Variants in FRMD4A observed in about 807,000 individuals in gnomAD.
FRMD4A encodes the protein FERM domain-containing protein 4A.
A neutral mutation model predicts 129.1 loss-of-function variants in FRMD4A; 29 were observed. The ratio of observed to expected loss-of-function variants is 0.22; its 90% CI spans 0.17 to 0.31. FRMD4A has a LOEUF of 0.31. FRMD4A is among the 10% of genes least tolerant of loss of function. The probability of loss-of-function intolerance (pLI) is 1.00; values close to 1 mark genes in which losing one functional copy is unlikely to be tolerated. For missense variants in FRMD4A, 1,272 were observed against 1,375.8 expected (o/e 0.92, Z 1.19); for synonymous variants, 634 against 571.6 (o/e 1.11, Z -1.56).
At chr10:13,650,283 A>G (rs4748049) in intron 24 of FRMD4A, among the ~76,000 whole-genome samples, 112,204 of 152,042 alleles carry the variant, frequency 0.74, 41,923 homozygotes, top group South Asian at 0.8. Context: ...GAACAGTCCC[A>G]CAGTTGGTCA....
intron 2 of FRMD4A, among the ~76,000 whole-genome samples, chr10:13,922,109 A>G (rs1439778387): frequency 6.6e-6 from 1 of 152,192 alleles, no homozygotes. Flanking sequence ...GCAAGCCAGG[A>G]AGAGAGCCCT....
At chr10:13,647,847 G>A (rs1179501304) in intron 24 of FRMD4A, 9 of 151,644 alleles carry the variant, frequency 5.9e-5, no homozygotes, top group Non-Finnish European at 1.2e-4. Context: ...GTCATTACTA[G>A]GGATCATGAT....
intron 3 of FRMD4A, among the ~76,000 whole-genome samples, chr10:13,858,188 C>A (rs1385939097): frequency 1.3e-5 from 2 of 152,200 alleles, no homozygotes; most frequent in African/African-American, 2.4e-5. Context: ...AATCCCAGCA[C>A]TTTGGGAGGC....
chr10:14,043,492 C>G (rs1192520742), intron 2 of FRMD4A, among the ~76,000 whole-genome samples: 2 of 152,196 alleles, frequency 1.3e-5, no homozygotes, highest in Non-Finnish European at 2.9e-5. Flanking sequence ...CTATTCCTCT[C>G]TGATGTGCAG....
intron 3 of FRMD4A, among the ~76,000 whole-genome samples, chr10:13,822,811 C>T (rs2093649145): frequency 6.6e-6 from 1 of 152,022 alleles, no homozygotes; most frequent in African/African-American, 2.4e-5. Flanking sequence ...ATATCTGTGC[C>T]CTCTTCTTCC....
chr10:14,239,525 G>T (rs1192382028), intron 2 of FRMD4A, among the ~76,000 whole-genome samples: 1 of 152,170 alleles, frequency 6.6e-6, no homozygotes, highest in Non-Finnish European at 1.5e-5. Context: ...TACTAGGGAG[G>T]CTGAGGCAGG....
intron 2 of FRMD4A, among the ~76,000 whole-genome samples, chr10:14,046,896 G>A (rs1318322760): frequency 6.6e-6 from 1 of 152,118 alleles, no homozygotes; most frequent in African/African-American, 2.4e-5. Flanking sequence ...AGGCATGGGA[G>A]TCGCTGGTCC....
At chr10:14,329,994 C>A in intron 2 of FRMD4A, 64 bp downstream of exon 2, 1 of 1,455,226 alleles carries the variant, frequency 6.9e-7, no homozygotes, top group African/African-American at 1.4e-5. Flanking sequence ...GCAGCAGCAG[C>A]CCACGGTGCA....
intron 2 of FRMD4A, among the ~76,000 whole-genome samples, chr10:14,053,910 C>T (rs532422251): frequency 2.0e-4 from 30 of 152,214 alleles, no homozygotes; most frequent in South Asian, 8.3e-4. Flanking sequence ...GTCCCAGCTA[C>T]GCAGGAGGAT....
In FRMD4A at chr10:13,690,488, A is replaced by T. The variant is rs139511996; in HGVS notation, c.1117+3410T>A. Among the ~76,000 whole-genome samples, 508 of 152,336 alleles carry T rather than the reference A, an allele frequency of 3.3e-3. 3 individuals are homozygous for T. Among genetic ancestry groups the T allele is most frequent in the African/African-American group, 0.011 (462 of 41,586 alleles). ...CCCTGATGGAATGTTTCCTGTTTGC[A>T]GTGCGTCCCCCCACTGTCTTGGCCC... On this transcript the variant is annotated intron_variant, in intron 15 of 24. Coordinates refer to ENST00000357447, the MANE Select transcript of FRMD4A (RefSeq NM_018027.5).
chr10:14,289,670 A>G (rs1437251518), intron 2 of FRMD4A, among the ~76,000 whole-genome samples: 2 of 152,142 alleles, frequency 1.3e-5, no homozygotes, highest in East Asian at 3.8e-4. Context: ...ACCATCATCA[A>G]TGATGAAAAC....
At chr10:13,673,450 T>C (rs1206986010) in intron 16 of FRMD4A, among the ~76,000 whole-genome samples, 1 of 152,206 alleles carries the variant, frequency 6.6e-6, no homozygotes, top group Non-Finnish European at 1.5e-5. Context: ...TGGGAACCTC[T>C]TTTGACTTCC....
chr10:14,157,040 T>A lies in FRMD4A; in HGVS notation c.45+173018A>T, dbSNP rs371712943. ...AAAAGCTCCTTGGAGCAGAGGAACA[T>A]GTTTTCAACTCCCCACCCCACAGAG... On this transcript the variant is annotated intron_variant, in intron 2 of 24. Transcript: ENST00000357447. Among the ~76,000 whole-genome samples the A allele has an allele frequency of 9.2e-5, 14 of 151,872 alleles. No homozygotes were observed. The East Asian group carries it at 2.5e-3, about 28-fold the overall frequency.
At chr10:14,167,933 G>A (rs1423550864) in intron 2 of FRMD4A, among the ~76,000 whole-genome samples, 1 of 152,216 alleles carries the variant, frequency 6.6e-6, no homozygotes, top group African/African-American at 2.4e-5. Flanking sequence ...GCAACACGTG[G>A]TGGGAGGATC....
chr10:14,124,934 G>A (rs1409863808), intron 2 of FRMD4A, among the ~76,000 whole-genome samples: 12 of 152,144 alleles, frequency 7.9e-5, no homozygotes. Context: ...AACTACATAT[G>A]GTTACAGACA....
intron 2 of FRMD4A, among the ~76,000 whole-genome samples, chr10:14,010,716 C>T (rs1002221777): frequency 4.3e-5 from 5 of 117,378 alleles, no homozygotes; most frequent in African/African-American, 1.5e-4. Context: ...CACTATATTG[C>T]TCAGGGTGGT....
chr10:14,049,944 G>A (rs907893144), intron 2 of FRMD4A, among the ~76,000 whole-genome samples: 19 of 152,122 alleles, frequency 1.2e-4, no homozygotes, highest in African/African-American at 3.1e-4. Context: ...CACACTTGCC[G>A]CACTTCCGTC....
chr10:14,005,109 A>G (rs1484146178), intron 2 of FRMD4A, among the ~76,000 whole-genome samples: 1 of 150,824 alleles, frequency 6.6e-6, no homozygotes, highest in African/African-American at 2.4e-5. Flanking sequence ...AGCAACCTCC[A>G]CCTCCCAGGT....
intron 2 of FRMD4A, among the ~76,000 whole-genome samples, chr10:14,032,910 G>C (rs775491596): frequency 6.6e-5 from 10 of 152,328 alleles, no homozygotes; most frequent in East Asian, 1.9e-4. Context: ...ACTTTGCCTG[G>C]TATTGCCAGA....
Sources: gnomAD v4.1 joint callset for allele counts (sites outside exome capture counted in the v4.1 genomes callset) on GRCh38, gnomAD v4.1.1 for gene constraint, MANE v1.5 for transcripts, NCBI Gene and HGNC (gene_info 2026-07-23, HGNC 2026-07-21) for gene names.